FAM20B: variants seen among roughly 807,000 people sequenced by gnomAD.
FAM20B encodes the protein glycosaminoglycan xylosylkinase.
Under a neutral mutation model 43.8 loss-of-function variants are expected in FAM20B, and 23 were observed. That is an observed-to-expected ratio of 0.53 (90% CI 0.38 to 0.74). The LOEUF (loss-of-function observed/expected upper bound fraction) is 0.74, where lower values mean the gene tolerates loss of function less well. Ranked by LOEUF, FAM20B falls within the 30% of genes least tolerant of loss-of-function variation. The probability of loss-of-function intolerance (pLI) is 0.00; values close to 1 mark genes in which losing one functional copy is unlikely to be tolerated. For synonymous variants in FAM20B, 178 were observed against 192.4 expected (o/e 0.93, Z 0.62); for missense variants, 440 against 510.5 (o/e 0.86, Z 1.33).
chr1:179,026,551 C>G (rs967917207), intron 1 of FAM20B, among the ~76,000 whole-genome samples: 1 of 152,160 alleles, frequency 6.6e-6, no homozygotes, highest in Non-Finnish European at 1.5e-5. Flanking sequence ...AGGGAGCGCG[C>G]CCTCGCGGGG....
At position 179,072,039 on chromosome 1, in the gene FAM20B, G is replaced by C; in HGVS notation, c.1125G>C (p.Val375=). 6.2e-7 allele frequency: 1 copy of C among 1,614,146 alleles called. No homozygotes were observed. The highest frequency in any genetic ancestry group is 8.5e-7 in the Non-Finnish European group (1 of 1,180,022). ...TCTCTGATCCTCATCTGGACGCCGT[G>C]GACCAGCGGCTCCTGAGTGTCCTGG... ...PVLSDPHLDA[V]DQRLLSVLAT... is the part of the protein sequence containing the mutation. Residue 375 remains valine (V), a synonymous_variant, in exon 8 of 8, where the codon GTG becomes GTC. Coordinates refer to ENST00000263733, the MANE Select transcript of FAM20B (RefSeq NM_014864.4).
chr1:179,060,102 T>TA (rs368374309), intron 4 of FAM20B, among the ~76,000 whole-genome samples: 2,498 of 23,322 alleles, frequency 0.11, 40 homozygotes, highest in African/African-American at 0.34. Flanking sequence ...TATATATATA[T>TA]TTTTTTATTT....
At chr1:179,019,601 T>C in the FAM20B span, among the ~76,000 whole-genome samples, 8 of 152,126 alleles carry the variant, frequency 5.3e-5, no homozygotes, top group African/African-American at 1.2e-4. Context: ...TACCTGGGAT[T>C]ACAGGCATGT....
Position 179,045,792 on chromosome 1 carries a change from G to A in FAM20B, c.377+1568G>A, listed in dbSNP as rs1007357810. On this transcript the variant is annotated intron_variant, in intron 2 of 7. Transcript: ENST00000263733. Reference sequence around the variant, plus strand: ...TCTCAGCTACTTGGAAGGCTGAGGTGGGAGGATGGGAAGATTGCTTGAGTG... The same window carrying A: ...TCTCAGCTACTTGGAAGGCTGAGGTAGGAGGATGGGAAGATTGCTTGAGTG... Among the ~76,000 whole-genome samples, 4 of 152,056 alleles carry A rather than the reference G, an allele frequency of 2.6e-5. No individual in the cohort carries two copies. The East Asian group carries it at 7.7e-4, about 29-fold the overall frequency.
At chr1:179,064,210 G>A in intron 5 of FAM20B, 95 bp from the exon 6 acceptor site, 1 of 1,419,766 alleles carries the variant, frequency 7.0e-7, no homozygotes, top group Non-Finnish European at 9.7e-7. Flanking sequence ...TGGAGTCAGG[G>A]GCAAACCGGT....
At chr1:179,068,318 A>G (rs1651774242) in intron 7 of FAM20B, among the ~76,000 whole-genome samples, 1 of 152,188 alleles carries the variant, frequency 6.6e-6, no homozygotes, top group Non-Finnish European at 1.5e-5. Context: ...GCAGTGATAT[A>G]TACAATCAAG....
chr1:179,032,313 C>CTTTTT (rs547439601), intron 1 of FAM20B, among the ~76,000 whole-genome samples: 12 of 111,942 alleles, frequency 1.1e-4, no homozygotes, highest in East Asian at 3.3e-4. Context: ...AGGTCTCATT[C>CTTTTT]TTTTTTTTTT....
Position 179,063,977 on chromosome 1 carries a change from C to A in FAM20B, c.625C>A (p.Pro209Thr), listed in dbSNP as rs753384906. 6.2e-7 allele frequency: 1 copy of A among 1,613,668 alleles called. No homozygotes were observed. The highest frequency in any genetic ancestry group is 8.5e-7 in the Non-Finnish European group (1 of 1,179,714). Reference protein sequence around the residue: ...GKCYYCRETEPACADGDIMEG... With the variant: ...GKCYYCRETETACADGDIMEG... ...GTGCTATTACTGCCGAGAAACAGAA[C>A]CAGCTTGTGCTGATGGAGACATAAT... The change falls in exon 5 of 8, where the codon CCA becomes ACA. Residue 209 changes from proline to threonine, a missense_variant. Physicochemically the swap from Pro to Thr is conservative, Grantham distance 38 (BLOSUM62 -1). Coordinates refer to ENST00000263733, the MANE Select transcript of FAM20B (RefSeq NM_014864.4).
Position 179,043,919 on chromosome 1 carries a change from G to A in FAM20B, c.72G>A (p.Leu24=). The change falls in exon 2 of 8, where the codon CTG becomes CTA. Residue 24 remains leucine (L), a synonymous_variant. Coordinates refer to ENST00000263733, the MANE Select transcript of FAM20B (RefSeq NM_014864.4). ...LVIFIFTKVF[L]IDNLDTSAAN... ...TTTTTATCTTCACCAAAGTTTTCCT[G>A]ATTGACAACTTAGATACATCAGCTG... 1.2e-6 allele frequency: 2 copies of A among 1,612,178 alleles called. No homozygotes were observed. Among genetic ancestry groups the A allele is most frequent in the Non-Finnish European group, 1.7e-6 (2 of 1,178,340 alleles).
Position 179,072,317 on chromosome 1 carries a change from C to T in FAM20B, c.*173C>T, listed in dbSNP as rs1651957988. ...GTAGTAGAAACTAAAGCAAAGACCA[C>T]AAGTTTCAGAGCATGGAGACATTCC... is the stretch of plus-strand genomic sequence containing the variant. On this transcript the variant is annotated 3_prime_UTR_variant, in exon 8 of 8. Transcript: ENST00000263733. 2 of 599,998 alleles carry T rather than the reference C, an allele frequency of 3.3e-6. No homozygotes were observed. Among genetic ancestry groups the T allele is most frequent in the Non-Finnish European group, 3.0e-6 (1 of 338,956 alleles). 37.2% of individuals were successfully genotyped at this position (599,998 alleles called of 1,614,324 possible).
chr1:179,055,398 C>CT (rs1056488406), intron 4 of FAM20B, among the ~76,000 whole-genome samples: 3 of 151,790 alleles, frequency 2.0e-5, no homozygotes, highest in Non-Finnish European at 4.4e-5. Context: ...CTTCACCTTG[C>CT]TTTTTTTTGC....
chr1:179,045,905 C>A (rs1431752177), intron 2 of FAM20B, among the ~76,000 whole-genome samples: 9 of 150,704 alleles, frequency 6.0e-5, no homozygotes, highest in Non-Finnish European at 1.2e-4. Context: ...AAAAAAAAAC[C>A]AAAAAACAAA....
At chr1:179,052,674 C>T (rs1448401513) in intron 3 of FAM20B, among the ~76,000 whole-genome samples, 1 of 152,182 alleles carries the variant, frequency 6.6e-6, no homozygotes, top group Non-Finnish European at 1.5e-5. Context: ...ACCTAAACAT[C>T]TATTGATATG....
chr1:179,035,932 C>T (rs547127396), intron 1 of FAM20B, among the ~76,000 whole-genome samples: 4 of 152,024 alleles, frequency 2.6e-5, no homozygotes, highest in Admixed American at 6.6e-5. Context: ...GAGTTCGAGA[C>T]CAGCCTGCCC....
chr1:179,064,010 T>C lies in FAM20B; in HGVS notation c.658T>C (p.Ser220Pro). The change falls in exon 5 of 8, where the codon TCT becomes CCT. Residue 220 changes from serine (S) to proline (P), a missense_variant. Physicochemically the swap from Ser to Pro is moderately conservative, Grantham distance 74. Coordinates refer to ENST00000263733, the MANE Select transcript of FAM20B (RefSeq NM_014864.4). ...TGCTGATGGAGACATAATGGAGGGA[T>C]CTGTCACACTTTGGCTTCCAGATGT... ...ACADGDIMEGSVTLWLPDVWP... is the reference protein window; with the variant it reads ...ACADGDIMEGPVTLWLPDVWP... The C allele has an allele frequency of 6.2e-7, 1 of 1,613,856 alleles. No homozygotes were observed. The highest frequency in any genetic ancestry group is 8.5e-7 in the Non-Finnish European group (1 of 1,179,796).
chr1:179,041,060 G>A (rs1424391953), intron 1 of FAM20B, among the ~76,000 whole-genome samples: 16 of 149,612 alleles, frequency 1.1e-4, no homozygotes, highest in Non-Finnish European at 1.8e-4. Flanking sequence ...ATGGGATGGC[G>A]GCCGGGAAGA....
chr1:179,021,183 A>G (rs1461694254), upstream of FAM20B, among the ~76,000 whole-genome samples: 1 of 152,200 alleles, frequency 6.6e-6, no homozygotes, highest in East Asian at 1.9e-4. Flanking sequence ...TTACCACATT[A>G]TCCATCGATG....
chr1:179,041,704 A>AGAC, intron 1 of FAM20B, among the ~76,000 whole-genome samples: 1 of 116,244 alleles, frequency 8.6e-6, no homozygotes, highest in African/African-American at 4.4e-5. Context: ...GGAGACGGGG[A>AGAC]GGGAGACAGG....
Position 179,074,927 on chromosome 1 carries a change from A to C in FAM20B, c.*2783A>C, listed in dbSNP as rs1652069018. Reference sequence around the variant, plus strand: ...AGGTGGGGGCCGGGTGCCGTGGCTCATGCCTGTCATCCCAGCATTTGGGAG... The same window carrying C: ...AGGTGGGGGCCGGGTGCCGTGGCTCCTGCCTGTCATCCCAGCATTTGGGAG... On this transcript the variant is annotated 3_prime_UTR_variant, in exon 8 of 8. Coordinates refer to ENST00000263733, the MANE Select transcript of FAM20B (RefSeq NM_014864.4). The C allele has an allele frequency of 6.6e-6, 1 of 152,244 alleles. No individual in the cohort carries two copies. Among genetic ancestry groups the C allele is most frequent in the African/African-American group, 2.4e-5 (1 of 41,470 alleles). 9.4% of individuals were successfully genotyped at this position (152,244 alleles called of 1,614,324 possible). A position where few individuals can be genotyped will look rare whatever the true frequency, so the allele number is the denominator to read the frequency against.
Sources: allele counts gnomAD v4.1 joint callset (sites outside exome capture counted in the v4.1 genomes callset), GRCh38; gene constraint gnomAD v4.1.1; transcripts MANE v1.5; gene names NCBI Gene and HGNC (gene_info 2026-07-23, HGNC 2026-07-21).